Variants in PRKDC observed in about 807,000 individuals in gnomAD.
PRKDC encodes DNA-dependent protein kinase catalytic subunit.
Under a neutral mutation model 486.9 loss-of-function variants are expected in PRKDC, and 82 were observed. The observed-to-expected ratio is 0.17, with a 90% CI of 0.14 to 0.20. The LOEUF (loss-of-function observed/expected upper bound fraction) is 0.20. Ranked by LOEUF, PRKDC falls within the 10% of genes least tolerant of loss-of-function variation. The pLI, the probability that PRKDC is intolerant of heterozygous loss-of-function variation, is 1.00. For synonymous variants in PRKDC, 1,895 were observed against 1,837.0 expected (o/e 1.03, Z -0.81); for missense variants, 4,504 against 5,038.2 (o/e 0.89, Z 3.21).
At chr8:47,950,349 G>A (rs1017525913) in intron 7 of PRKDC, among the ~76,000 whole-genome samples, 11 of 151,794 alleles carry the variant, frequency 7.2e-5, no homozygotes, top group Non-Finnish European at 1.6e-4. Flanking sequence ...GGATCGGCCA[G>A]GCACAGTGGT....
chr8:47,923,058 A>G (rs757031579), intron 21 of PRKDC, among the ~76,000 whole-genome samples: 1 of 151,788 alleles, frequency 6.6e-6, no homozygotes, highest in Non-Finnish European at 1.5e-5. Context: ...GTACCATGAG[A>G]AGTCATTCTT....
chr8:47,876,087 G>C (rs1368498148), intron 40 of PRKDC, among the ~76,000 whole-genome samples: 1 of 152,210 alleles, frequency 6.6e-6, no homozygotes, highest in East Asian at 1.9e-4. Flanking sequence ...ATTAGTGTTT[G>C]CGTGGAGCTA....
intron 58 of PRKDC, among the ~76,000 whole-genome samples, chr8:47,834,785 G>A (rs2087975909): frequency 1.3e-5 from 2 of 149,054 alleles, no homozygotes; most frequent in South Asian, 4.2e-4. Context: ...CCGCCTCCCG[G>A]GTTCACGCCA....
intron 17 of PRKDC, among the ~76,000 whole-genome samples, 191 bp downstream of exon 17, chr8:47,930,481 C>T (rs1041330021): frequency 4.6e-5 from 7 of 152,082 alleles, no homozygotes; most frequent in African/African-American, 1.7e-4. Flanking sequence ...ACCATGTTAG[C>T]CAGGATAGTC....
chr8:47,886,278 T>C (rs1173354400), intron 35 of PRKDC, 131 bp from the exon 36 acceptor site: 1 of 627,880 alleles, frequency 1.6e-6, no homozygotes, highest in Admixed American at 3.5e-5. Context: ...ATGTGAAGCC[T>C]GGATTCAAGC....
chr8:47,958,218 A>AGACCAAGGGAAGGGAGCTGTG (rs1489427510), intron 1 of PRKDC, among the ~76,000 whole-genome samples: 1 of 152,164 alleles, frequency 6.6e-6, no homozygotes, highest in Non-Finnish European at 1.5e-5. Flanking sequence ...CTGGCCTTGA[A>AGACCAAGGGAAGGGAGCTGTG]GACCAAGGGA....
chr8:47,869,946 T>C (rs1189193285), intron 40 of PRKDC, among the ~76,000 whole-genome samples: 1 of 152,086 alleles, frequency 6.6e-6, no homozygotes, highest in Non-Finnish European at 1.5e-5. Flanking sequence ...GAGACTTCTT[T>C]ATTTTAGGAA....
At chr8:47,824,935 A>G (rs2087698934) in intron 63 of PRKDC, among the ~76,000 whole-genome samples, 1 of 152,156 alleles carries the variant, frequency 6.6e-6, no homozygotes, top group South Asian at 2.1e-4. Context: ...AGCCTCTTGC[A>G]TTTACATCAA....
chr8:47,887,775 T>C, intron 34 of PRKDC, 70 bp from the exon 35 acceptor site: 1 of 1,459,040 alleles, frequency 6.9e-7, no homozygotes. Flanking sequence ...TTCACTCCTC[T>C]CATTAAATAA....
At chr8:47,861,203 T>A (rs2088669295) in intron 44 of PRKDC, among the ~76,000 whole-genome samples, 1 of 152,226 alleles carries the variant, frequency 6.6e-6, no homozygotes, top group Admixed American at 6.5e-5. Context: ...CCATCTCAGC[T>A]CTGGTACAGC....
rs192888949 is a variant in PRKDC, at chr8:47,831,226, G to A, written c.8266-490C>T. Among the ~76,000 whole-genome samples, 524 of 152,352 alleles carry A rather than the reference G, an allele frequency of 3.4e-3. 16 individuals carry two copies. The South Asian group carries it at 0.081, about 24-fold the overall frequency. On this transcript the variant is annotated intron_variant, in intron 60 of 85. Coordinates refer to ENST00000314191, the MANE Select transcript of PRKDC (RefSeq NM_006904.7). The stretch of plus-strand genomic sequence containing the variant: ...ATGGCTGGGCGGCAGGGCTTGGGGA[G>A]GGGGCCGGCACAGCGCCCCACTTCC...
intron 57 of PRKDC, 125 bp downstream of exon 57, chr8:47,837,087 C>T (rs2088041746): frequency 1.8e-6 from 2 of 1,095,758 alleles, no homozygotes; most frequent in Non-Finnish European, 2.6e-6. Context: ...CACGAGCCTT[C>T]CCTTTCCTTT....
At chr8:47,820,406 C>T (rs1307093215) in intron 66 of PRKDC, among the ~76,000 whole-genome samples, 1 of 151,752 alleles carries the variant, frequency 6.6e-6, no homozygotes, top group Admixed American at 6.6e-5. Context: ...CAAAAAAACA[C>T]CCTACTCTCA....
intron 28 of PRKDC, among the ~76,000 whole-genome samples, chr8:47,899,914 T>C (rs2089649301): frequency 6.6e-6 from 1 of 152,250 alleles, no homozygotes; most frequent in South Asian, 2.1e-4. Flanking sequence ...ATAATATTCC[T>C]TCATCATGGA....
intron 55 of PRKDC, among the ~76,000 whole-genome samples, 196 bp from the exon 56 acceptor site, chr8:47,839,442 G>A (rs2088095386): frequency 6.6e-6 from 1 of 152,206 alleles, no homozygotes; most frequent in Non-Finnish European, 1.5e-5. Context: ...CCCAGCAGGA[G>A]CTGAGTGGAA....
chr8:47,825,103 C>T (rs1184696793), intron 63 of PRKDC, among the ~76,000 whole-genome samples: 1 of 152,146 alleles, frequency 6.6e-6, no homozygotes, highest in Non-Finnish European at 1.5e-5. Context: ...CAGCTCATGG[C>T]CCCAGAGTCA....
Position 47,890,470 on chromosome 8 carries a change from G to A in PRKDC, c.3858C>T (p.Ala1286=). The A allele has an allele frequency of 6.4e-7, 1 of 1,556,464 alleles. No homozygotes were observed. Among genetic ancestry groups the A allele is most frequent in the Non-Finnish European group, 8.7e-7 (1 of 1,148,882 alleles). The change falls in exon 32 of 86, where the codon GCC becomes GCT. Residue 1286 remains alanine (A), a synonymous_variant. Coordinates refer to ENST00000314191, the MANE Select transcript of PRKDC (RefSeq NM_006904.7). ...VGALQVLGTE[A]QSSLLKAVAF... is the part of the protein sequence containing the mutation. ...CCACTGCTTTCAAAAGTGAAGACTG[G>A]GCTTCAGTACCTAGAAGCAATTATA...
chr8:47,867,075 C>T (rs1167463360), intron 40 of PRKDC, among the ~76,000 whole-genome samples: 1 of 152,030 alleles, frequency 6.6e-6, no homozygotes, highest in African/African-American at 2.4e-5. Context: ...AAGATTGAAC[C>T]CAGAAGTCCA....
At chr8:47,865,334 C>T (rs913128805) in intron 40 of PRKDC, among the ~76,000 whole-genome samples, 6 of 151,180 alleles carry the variant, frequency 4.0e-5, no homozygotes, top group Non-Finnish European at 8.9e-5. Flanking sequence ...TGCAGTGAGC[C>T]GTCGCACCAC....
Sources: allele counts gnomAD v4.1 joint callset (sites outside exome capture counted in the v4.1 genomes callset), GRCh38; gene constraint gnomAD v4.1.1; transcripts MANE v1.5; gene names NCBI Gene and HGNC (gene_info 2026-07-23, HGNC 2026-07-21).